CNTN4: variants seen among roughly 807,000 people sequenced by gnomAD.
The protein encoded by CNTN4 is contactin-4.
CNTN4 carries 77 observed loss-of-function variants against 122.5 expected under a neutral mutation model. The ratio of observed to expected loss-of-function variants is 0.63; its 90% CI spans 0.52 to 0.76. The LOEUF (loss-of-function observed/expected upper bound fraction) is 0.76. CNTN4 is among the 30% of genes least tolerant of loss of function. The probability of loss-of-function intolerance (pLI) is 0.00; values close to 1 mark genes in which losing one functional copy is unlikely to be tolerated. For missense variants in CNTN4, 1,256 were observed against 1,259.1 expected (o/e 1.00, Z 0.04); for synonymous variants, 512 against 447.0 (o/e 1.15, Z -1.83).
At chr3:2,573,644 C>CT (rs2079528380) in intron 4 of CNTN4, among the ~76,000 whole-genome samples, 2 of 152,270 alleles carry the variant, frequency 1.3e-5, no homozygotes, top group East Asian at 3.9e-4. Context: ...AAAGCCACTA[C>CT]TCTCTTCAGT....
rs114815717 is a variant in CNTN4 at position 2,440,132 on chromosome 3, A to G, written c.-89+100899A>G. On this transcript the variant is annotated intron_variant, in intron 3 of 24. Transcript: ENST00000418658. ...ATTCAGTCATTTGTCCACTGTCCAG[A>G]TCACTTTTTTTAAAAAATTATTATT... 3.7e-3 allele frequency among the ~76,000 whole-genome samples: 567 copies of G among 152,308 alleles called. 4 individuals carry two copies. The highest frequency in any genetic ancestry group is 0.013 in the African/African-American group (554 of 41,568).
intron 12 of CNTN4, among the ~76,000 whole-genome samples, chr3:2,905,623 C>A (rs1477504486): frequency 3.3e-5 from 5 of 152,196 alleles, no homozygotes; most frequent in Non-Finnish European, 7.3e-5. Context: ...CAGACTATAG[C>A]AGTAGAGCAG....
At chr3:2,526,921 T>C (rs140623598) in intron 3 of CNTN4, among the ~76,000 whole-genome samples, 18,513 of 152,146 alleles carry the variant, frequency 0.12, 1,402 homozygotes, top group Middle Eastern at 0.18. Flanking sequence ...GCTTAGCCAC[T>C]GCCCAAATCT....
intron 3 of CNTN4, among the ~76,000 whole-genome samples, chr3:2,537,739 C>A (rs1297729700): frequency 6.6e-6 from 1 of 152,000 alleles, no homozygotes; most frequent in African/African-American, 2.4e-5. Context: ...ACTAAAAAAT[C>A]GCTATTCATG....
chr3:2,997,980 G>T (rs1695678115), intron 14 of CNTN4, among the ~76,000 whole-genome samples: 1 of 152,146 alleles, frequency 6.6e-6, no homozygotes, highest in Admixed American at 6.5e-5. Flanking sequence ...TTCAAAAGTA[G>T]AACTGCTTAT....
intron 4 of CNTN4, among the ~76,000 whole-genome samples, chr3:2,698,250 A>G (rs751799210): frequency 2.0e-5 from 3 of 152,208 alleles, no homozygotes; most frequent in Non-Finnish European, 4.4e-5. Context: ...TTTTATGGCT[A>G]TGAGAAAATT....
chr3:2,611,297 C>CAAAAAAAAAAAAA (rs201162114), intron 4 of CNTN4, among the ~76,000 whole-genome samples: 427 of 61,504 alleles, frequency 6.9e-3, no homozygotes, highest in Middle Eastern at 0.019. Context: ...CACCTGGAAC[C>CAAAAAAAAAAAAA]AAAAAAAAAA....
chr3:2,384,240 G>T (rs1014335833), intron 3 of CNTN4, among the ~76,000 whole-genome samples: 2 of 152,018 alleles, frequency 1.3e-5, no homozygotes, highest in African/African-American at 2.4e-5. Flanking sequence ...AAGCCTAAAC[G>T]TAGGCCCTGG....
chr3:2,627,034 T>A (rs1455774022), intron 4 of CNTN4, among the ~76,000 whole-genome samples: 1 of 152,220 alleles, frequency 6.6e-6, no homozygotes. Context: ...TAATTTGATT[T>A]GTGCCTCATC....
chr3:2,912,058 A>G (rs1013238210), intron 12 of CNTN4, among the ~76,000 whole-genome samples: 6 of 152,278 alleles, frequency 3.9e-5, no homozygotes, highest in Non-Finnish European at 8.8e-5. Flanking sequence ...AGTCTGAGCA[A>G]GGAAATGGAT....
chr3:2,126,642 A>G (rs534051974), intron 2 of CNTN4, among the ~76,000 whole-genome samples: 157 of 152,318 alleles, frequency 1.0e-3, no homozygotes, highest in African/African-American at 3.7e-3. Flanking sequence ...AATTTAAGGT[A>G]ATTTGATATA....
At chr3:2,121,530 G>C (rs545591029) in intron 2 of CNTN4, among the ~76,000 whole-genome samples, 4 of 151,902 alleles carry the variant, frequency 2.6e-5, no homozygotes, top group African/African-American at 9.6e-5. Context: ...TTGTGTGCAC[G>C]GGGACCCATA....
chr3:2,396,134 C>A (rs897596600), intron 3 of CNTN4, among the ~76,000 whole-genome samples: 1 of 151,922 alleles, frequency 6.6e-6, no homozygotes, highest in African/African-American at 2.4e-5. Context: ...AGGTGCTTCT[C>A]CCACCTCAGC....
At chr3:2,740,828 G>A (rs903683206) in intron 5 of CNTN4, among the ~76,000 whole-genome samples, 63 of 152,064 alleles carry the variant, frequency 4.1e-4, no homozygotes, top group Non-Finnish European at 7.4e-5. Context: ...GTTAAAGGAC[G>A]GCAGTATTAG....
At chr3:2,904,608 G>A (rs985002285) in intron 12 of CNTN4, among the ~76,000 whole-genome samples, 2 of 152,140 alleles carry the variant, frequency 1.3e-5, no homozygotes, top group Non-Finnish European at 2.9e-5. Flanking sequence ...ATAAATATTA[G>A]GAACAATAAT....
intron 14 of CNTN4, among the ~76,000 whole-genome samples, chr3:3,020,508 C>T (rs947685706): frequency 2.0e-5 from 3 of 152,188 alleles, no homozygotes; most frequent in African/African-American, 7.2e-5. Flanking sequence ...GATTCATAGG[C>T]TCTTCAAGAC....
intron 2 of CNTN4, among the ~76,000 whole-genome samples, chr3:2,257,187 G>GA (rs1357927266): frequency 6.6e-6 from 1 of 152,160 alleles, no homozygotes; most frequent in African/African-American, 2.4e-5. Flanking sequence ...AAGCAATGGG[G>GA]AAAAAATTCC....
At chr3:2,404,129 A>G (rs1383920317) in intron 3 of CNTN4, among the ~76,000 whole-genome samples, 1 of 152,148 alleles carries the variant, frequency 6.6e-6, no homozygotes, top group East Asian at 1.9e-4. Flanking sequence ...CAGAAACCTC[A>G]TGTATTTGTT....
At chr3:2,616,961 C>A (rs987848396) in intron 4 of CNTN4, among the ~76,000 whole-genome samples, 1 of 152,066 alleles carries the variant, frequency 6.6e-6, no homozygotes, top group African/African-American at 2.4e-5. Flanking sequence ...AAACTGAACC[C>A]CCTCCTTACA....
Sources: allele counts gnomAD v4.1 joint callset (sites outside exome capture counted in the v4.1 genomes callset), GRCh38; gene constraint gnomAD v4.1.1; transcripts MANE v1.5; gene names NCBI Gene and HGNC (gene_info 2026-07-23, HGNC 2026-07-21).